The following NRG1 variants were observed in gnomAD, a reference collection of about 807,000 sequenced individuals.
The protein encoded by NRG1 is pro-neuregulin-1, membrane-bound isoform.
Under a neutral mutation model 63.8 loss-of-function variants are expected in NRG1, and 18 were observed. The observed-to-expected ratio is 0.28, with a 90% CI of 0.19 to 0.42. The LOEUF is 0.42. Ranked by LOEUF, NRG1 falls within the 10% of genes least tolerant of loss-of-function variation. The pLI is 1.00. For synonymous variants in NRG1, 302 were observed against 301.3 expected, an observed-to-expected ratio of 1.00 and a Z score of -0.02; for missense variants, 762 against 814.7, an observed-to-expected ratio of 0.94 and a Z score of 0.79.
At chr8:32,326,242 T>G (rs982739199) in intron 1 of NRG1, among the ~76,000 whole-genome samples, 2 of 151,902 alleles carry the variant, frequency 1.3e-5, no homozygotes, top group Non-Finnish European at 2.9e-5. Flanking sequence ...ACTCCTGGCC[T>G]TGTGATCTGC....
chr8:32,470,059 G>C (rs1823614010), intron 1 of NRG1, among the ~76,000 whole-genome samples: 1 of 140,818 alleles, frequency 7.1e-6, no homozygotes. Context: ...TTGTAGTAGA[G>C]ACGGGGTTTC....
At chr8:32,507,667 A>T (rs774299877) in intron 1 of NRG1, among the ~76,000 whole-genome samples, 24 of 152,226 alleles carry the variant, frequency 1.6e-4, no homozygotes, top group Non-Finnish European at 3.2e-4. Context: ...AACATTTGGA[A>T]GTAACTTGGT....
intron 6 of NRG1, 118 bp downstream of exon 6, chr8:32,728,196 C>T: frequency 1.3e-6 from 2 of 1,531,260 alleles, no homozygotes; most frequent in East Asian, 4.6e-5. Flanking sequence ...TTGAATAATG[C>T]TGTTTTATAT....
intron 1 of NRG1, among the ~76,000 whole-genome samples, chr8:32,176,025 G>A (rs1840689722): frequency 1.3e-5 from 2 of 152,192 alleles, no homozygotes; most frequent in African/African-American, 4.8e-5. Flanking sequence ...GCATTGCCAA[G>A]TCAATCCTAA....
At chr8:32,428,448 A>C (rs1587596329) in intron 1 of NRG1, among the ~76,000 whole-genome samples, 1 of 150,902 alleles carries the variant, frequency 6.6e-6, no homozygotes, top group East Asian at 2.0e-4. Flanking sequence ...CATTGTTGGG[A>C]TGTGTTGTCT....
intron 1 of NRG1, among the ~76,000 whole-genome samples, chr8:32,006,548 A>AGCTGTTCAAAGCT (rs2129807148): frequency 6.6e-6 from 1 of 152,058 alleles, no homozygotes; most frequent in East Asian, 1.9e-4. Flanking sequence ...TAGTGACAGA[A>AGCTGTTCAAAGCT]GACGAAAGCA....
intron 1 of NRG1, among the ~76,000 whole-genome samples, chr8:31,669,990 A>G (rs1185131130): frequency 7.2e-5 from 11 of 152,162 alleles, no homozygotes; most frequent in African/African-American, 2.7e-4. Flanking sequence ...CAACCCATAA[A>G]CCCATATAGA....
chr8:32,663,426 A>T (rs1244418658), intron 5 of NRG1, among the ~76,000 whole-genome samples: 1 of 152,164 alleles, frequency 6.6e-6, no homozygotes, highest in Non-Finnish European at 1.5e-5. Flanking sequence ...CAGATGCTTC[A>T]CATAGCACCA....
At chr8:32,258,418 G>C (rs773854686) in intron 1 of NRG1, among the ~76,000 whole-genome samples, 2 of 152,148 alleles carry the variant, frequency 1.3e-5, no homozygotes, top group Non-Finnish European at 2.9e-5. Flanking sequence ...TGTAAGTACT[G>C]TTATCCCCAT....
intron 1 of NRG1, among the ~76,000 whole-genome samples, chr8:32,309,215 G>GA (rs1856546776): frequency 6.6e-6 from 1 of 152,114 alleles, no homozygotes; most frequent in Non-Finnish European, 1.5e-5. Context: ...ACCAGGGCGA[G>GA]AAAATAGCCC....
chr8:32,497,330 C>T (rs1827320864), intron 1 of NRG1, among the ~76,000 whole-genome samples: 2 of 151,606 alleles, frequency 1.3e-5, no homozygotes. Context: ...ACCTGTAATC[C>T]CAGCTACTTG....
At chr8:32,383,733 A>C (rs1265691422) in intron 1 of NRG1, among the ~76,000 whole-genome samples, 1 of 152,220 alleles carries the variant, frequency 6.6e-6, no homozygotes, top group Non-Finnish European at 1.5e-5. Context: ...TTGGTCCGTC[A>C]TGCGGTATCA....
intron 1 of NRG1, among the ~76,000 whole-genome samples, chr8:31,902,900 G>C (rs1339339891): frequency 1.3e-5 from 2 of 152,168 alleles, no homozygotes; most frequent in African/African-American, 4.8e-5. Flanking sequence ...TCGTCCAATA[G>C]AACGTAACAG....
At chr8:32,337,328 A>T (rs368226448) in intron 1 of NRG1, among the ~76,000 whole-genome samples, 47 of 152,140 alleles carry the variant, frequency 3.1e-4, no homozygotes, top group Non-Finnish European at 5.3e-4. Context: ...TTTAAAGAAT[A>T]CTAAGGCTAT....
intron 1 of NRG1, among the ~76,000 whole-genome samples, chr8:32,463,871 A>ATTTTT (rs1587799335): frequency 1.2e-5 from 1 of 80,504 alleles, no homozygotes; most frequent in African/African-American, 4.3e-5. Flanking sequence ...AAAACTTAGA[A>ATTTTT]TTCTTTTTTT....
At chr8:32,202,422 C>T (rs190903154) in intron 1 of NRG1, among the ~76,000 whole-genome samples, 45 of 152,210 alleles carry the variant, frequency 3.0e-4, no homozygotes, top group African/African-American at 1.1e-3. Flanking sequence ...CTTTTGGGCT[C>T]CAGCCCCACA....
intron 5 of NRG1, among the ~76,000 whole-genome samples, chr8:32,644,555 G>C (rs140930513): frequency 6.6e-6 from 1 of 151,942 alleles, no homozygotes; most frequent in Non-Finnish European, 1.5e-5. Context: ...CCAATTTGGC[G>C]GAAAAAAAGC....
At chr8:32,225,108 C>T (rs2132517892) in intron 1 of NRG1, among the ~76,000 whole-genome samples, 1 of 152,308 alleles carries the variant, frequency 6.6e-6, no homozygotes, top group Non-Finnish European at 1.5e-5. Flanking sequence ...CCTTGGGAGC[C>T]TGTGACCCAC....
chr8:32,650,934 T>G (rs1470984124), intron 5 of NRG1, among the ~76,000 whole-genome samples: 1 of 152,150 alleles, frequency 6.6e-6, no homozygotes, highest in African/African-American at 2.4e-5. Context: ...GGTCATAGAC[T>G]GTTGAAGGCT....
Sources: allele counts gnomAD v4.1 joint callset (sites outside exome capture counted in the v4.1 genomes callset), GRCh38; gene constraint gnomAD v4.1.1; transcripts MANE v1.5; gene names NCBI Gene and HGNC (gene_info 2026-07-23, HGNC 2026-07-21).